Variants in DPPA2 observed in about 807,000 individuals in gnomAD.
The protein encoded by DPPA2 is developmental pluripotency associated 2.
A neutral mutation model predicts 36.2 loss-of-function variants in DPPA2; 26 were observed. The observed-to-expected ratio is 0.72, with a 90% CI of 0.53 to 1.00. The LOEUF is 1.00. Ranked by LOEUF, DPPA2 falls within the 50% of genes least tolerant of loss-of-function variation. The pLI, the probability that DPPA2 is intolerant of heterozygous loss-of-function variation, is 0.00. For synonymous variants in DPPA2, 113 were observed against 123.2 expected, an observed-to-expected ratio of 0.92 and a Z score of 0.55; for missense variants, 361 against 365.1, an observed-to-expected ratio of 0.99 and a Z score of 0.09.
intron 2 of DPPA2, among the ~76,000 whole-genome samples, chr3:109,313,429 T>C (rs536171568): frequency 6.6e-6 from 1 of 152,310 alleles, no homozygotes; most frequent in East Asian, 1.9e-4. Flanking sequence ...GCATTCAATG[T>C]TGTTTTTATG....
rs143684484 is a variant in DPPA2 at position 109,311,082 on chromosome 3, G to A, written c.181+1463C>T. The stretch of plus-strand genomic sequence containing the variant: ...CTCCCAAAGCACTGGGATTATAGGT[G>A]TAAGCCATCATGTCCGGCCTCAAAC... On this transcript the variant is annotated intron_variant, in intron 3 of 8. Coordinates refer to ENST00000478945, the MANE Select transcript of DPPA2 (RefSeq NM_138815.4). Among the ~76,000 whole-genome samples the A allele has an allele frequency of 2.3e-3, 350 of 152,274 alleles. 4 individuals are homozygous for A. Among genetic ancestry groups the A allele is most frequent in the African/African-American group, 7.6e-3 (318 of 41,570 alleles).
chr3:109,306,116 C>T (rs1707559432), intron 6 of DPPA2, among the ~76,000 whole-genome samples: 1 of 152,078 alleles, frequency 6.6e-6, no homozygotes, highest in African/African-American at 2.4e-5. Flanking sequence ...GATAGCTCCC[C>T]GATTAGACTG....
Position 109,310,892 on chromosome 3 carries a change from T to G in DPPA2, c.182-1562A>C, listed in dbSNP as rs551375629. Among the ~76,000 whole-genome samples, 169 of 151,672 alleles carry G rather than the reference T, an allele frequency of 1.1e-3. 3 individuals are homozygous for G. The highest frequency in any genetic ancestry group is 0.011 in the Admixed American group (169 of 15,208). On this transcript the variant is annotated intron_variant, in intron 3 of 8. Coordinates refer to ENST00000478945, the MANE Select transcript of DPPA2 (RefSeq NM_138815.4). ...TCTCGGCTCACTGCAACCTCCACCT[T>G]CCAGGTTCAAGTGATTATCATGCCT...
chr3:109,301,265 C>A (rs1484829336), intron 7 of DPPA2, among the ~76,000 whole-genome samples: 2 of 152,066 alleles, frequency 1.3e-5, no homozygotes, highest in Non-Finnish European at 2.9e-5. Flanking sequence ...AGTTGTGAGC[C>A]ACCATGCCCG....
At chr3:109,315,015 G>A (rs1433360929) in intron 1 of DPPA2, among the ~76,000 whole-genome samples, 1 of 152,088 alleles carries the variant, frequency 6.6e-6, no homozygotes. Context: ...ACAGCGATCC[G>A]AGATCGCACC....
intron 3 of DPPA2, among the ~76,000 whole-genome samples, chr3:109,309,540 CTT>C (rs1707657421): frequency 6.6e-6 from 1 of 151,378 alleles, no homozygotes; most frequent in Non-Finnish European, 1.5e-5. Flanking sequence ...ATACAAAAAA[CTT>C]AGCCGGGCGT....
Position 109,302,131 on chromosome 3 carries a change from A to G in DPPA2, c.855-1696T>C, listed in dbSNP as rs548415464. Among the ~76,000 whole-genome samples, 3 of 152,260 alleles carry G rather than the reference A, an allele frequency of 2.0e-5. No homozygotes were observed. The East Asian group carries it at 5.8e-4, about 29-fold the overall frequency. On this transcript the variant is annotated intron_variant, in intron 7 of 8. Transcript: ENST00000478945. ...CTGTCCACCTTCCACTGATACGCTG[A>G]TTATCTTTAGGGTTCCTCCCTCAGT... is the stretch of plus-strand genomic sequence containing the variant.
chr3:109,305,091 A>G (rs1707530693), intron 6 of DPPA2, among the ~76,000 whole-genome samples: 1 of 152,126 alleles, frequency 6.6e-6, no homozygotes, highest in South Asian at 2.1e-4. Flanking sequence ...GGTTGTGGTG[A>G]GCTGAGATCA....
At chr3:109,298,682 A>G (rs1390515896) in intron 8 of DPPA2, among the ~76,000 whole-genome samples, 1 of 148,074 alleles carries the variant, frequency 6.8e-6, no homozygotes, top group East Asian at 2.0e-4. Flanking sequence ...GCGTCACTGC[A>G]CTCCAGCCTG....
chr3:109,306,257 T>C (rs1707562993), intron 6 of DPPA2, among the ~76,000 whole-genome samples: 1 of 152,162 alleles, frequency 6.6e-6, no homozygotes, highest in Admixed American at 6.6e-5. Context: ...TGTGGGATAA[T>C]AGTAACTCAT....
chr3:109,297,074 A>T (rs1707367748), intron 8 of DPPA2, among the ~76,000 whole-genome samples: 2 of 150,534 alleles, frequency 1.3e-5, no homozygotes, highest in Admixed American at 1.3e-4. Context: ...GTGAAAGAGC[A>T]AGACATTCTC....
chr3:109,295,889 A>C (rs1707343999), intron 8 of DPPA2, among the ~76,000 whole-genome samples: 1 of 152,182 alleles, frequency 6.6e-6, no homozygotes, highest in African/African-American at 2.4e-5. Flanking sequence ...TAGAAATTAG[A>C]AGAAAATACT....
At chr3:109,307,855 A>G (rs1241447132) in intron 6 of DPPA2, among the ~76,000 whole-genome samples, 177 bp downstream of exon 6, 1 of 152,220 alleles carries the variant, frequency 6.6e-6, no homozygotes, top group Non-Finnish European at 1.5e-5. Flanking sequence ...ACCCATCCAG[A>G]CACAACATGA....
At chr3:109,310,167 G>A (rs1304814166) in intron 3 of DPPA2, among the ~76,000 whole-genome samples, 1 of 150,366 alleles carries the variant, frequency 6.7e-6, no homozygotes, top group African/African-American at 2.4e-5. Flanking sequence ...GGCGGAGGTT[G>A]TGGTGAGCCA....
At chr3:109,308,730 C>T (rs1272915548) in intron 5 of DPPA2, among the ~76,000 whole-genome samples, 1 of 152,050 alleles carries the variant, frequency 6.6e-6, no homozygotes, top group Non-Finnish European at 1.5e-5. Flanking sequence ...AATATTAGTT[C>T]CCATAAACTG....
chr3:109,298,827 A>G (rs1707406173), intron 8 of DPPA2, among the ~76,000 whole-genome samples: 1 of 149,272 alleles, frequency 6.7e-6, no homozygotes, highest in South Asian at 2.1e-4. Flanking sequence ...CAGGAGTTCA[A>G]TGGTCTTGAA....
intron 6 of DPPA2, among the ~76,000 whole-genome samples, chr3:109,307,723 CTA>C (rs997491499): frequency 6.6e-6 from 1 of 151,476 alleles, no homozygotes; most frequent in East Asian, 1.9e-4. Flanking sequence ...CTCTTATTCA[CTA>C]TGTCATAAAT....
intron 6 of DPPA2, among the ~76,000 whole-genome samples, chr3:109,305,499 G>A (rs1236816011): frequency 6.6e-6 from 1 of 151,732 alleles, no homozygotes; most frequent in Non-Finnish European, 1.5e-5. Context: ...AACAGGCTGG[G>A]CGTGGTGGCT....
intron 8 of DPPA2, among the ~76,000 whole-genome samples, chr3:109,299,936 T>TA (rs1292389021): frequency 6.6e-6 from 1 of 151,864 alleles, no homozygotes; most frequent in African/African-American, 2.4e-5. Flanking sequence ...TCATCAATTG[T>TA]AAAAAATGTA....
Sources: allele counts gnomAD v4.1 joint callset (sites outside exome capture counted in the v4.1 genomes callset), GRCh38; gene constraint gnomAD v4.1.1; transcripts MANE v1.5; gene names NCBI Gene and HGNC (gene_info 2026-07-23, HGNC 2026-07-21).